The following DGKH variants were observed in gnomAD, a reference collection of about 807,000 sequenced individuals.
DGKH encodes the protein DAG kinase eta.
DGKH carries 90 observed loss-of-function variants against 159.3 expected under a neutral mutation model. The observed-to-expected ratio is 0.57, with a 90% confidence interval of 0.48 to 0.67. The LOEUF is 0.67. DGKH is among the 30% of genes least tolerant of loss of function. The pLI is 0.00. For missense variants in DGKH, 1,181 were observed against 1,506.1 expected (o/e 0.78, Z 3.57); for synonymous variants, 536 against 553.8 (o/e 0.97, Z 0.45).
chr13:42,182,384 C>G (rs1343181935), intron 13 of DGKH, among the ~76,000 whole-genome samples: 4 of 152,168 alleles, frequency 2.6e-5, no homozygotes, highest in African/African-American at 9.7e-5. Flanking sequence ...TTCTACTACA[C>G]TTTTGGTATA....
chr13:42,220,350 A>G (rs1274399513), intron 28 of DGKH, among the ~76,000 whole-genome samples: 3 of 152,186 alleles, frequency 2.0e-5, no homozygotes, highest in African/African-American at 7.2e-5. Flanking sequence ...TGCATTCTCA[A>G]GCAAAGATTA....
At chr13:42,081,562 A>G (rs1170118559) in intron 1 of DGKH, among the ~76,000 whole-genome samples, 1 of 152,182 alleles carries the variant, frequency 6.6e-6, no homozygotes, top group African/African-American at 2.4e-5. Context: ...ATCTTTGTAT[A>G]TATCAGTTTG....
chr13:42,151,553 A>ATATATATATACACGTGTC, intron 3 of DGKH, among the ~76,000 whole-genome samples: 1 of 111,510 alleles, frequency 9.0e-6, no homozygotes, highest in Non-Finnish European at 1.8e-5. Flanking sequence ...ATACACGTGT[A>ATATATATATACACGTGTC]TATATGTAGT....
intron 1 of DGKH, among the ~76,000 whole-genome samples, chr13:42,105,735 C>T (rs1447108204): frequency 1.3e-5 from 2 of 152,126 alleles, no homozygotes; most frequent in African/African-American, 4.8e-5. Flanking sequence ...ATTAAACAAA[C>T]CTTTTATATG....
At chr13:42,065,820 G>A (rs1882524820) in intron 1 of DGKH, among the ~76,000 whole-genome samples, 1 of 152,196 alleles carries the variant, frequency 6.6e-6, no homozygotes, top group Non-Finnish European at 1.5e-5. Context: ...TTTGTCTGTA[G>A]GCTGATAAAG....
chr13:42,209,423 A>C lies in DGKH; in HGVS notation c.2808A>C (p.Lys936Asn). 1 of 1,613,470 alleles carries C rather than the reference A, an allele frequency of 6.2e-7. No individual in the cohort carries two copies. Among genetic ancestry groups the C allele is most frequent in the Non-Finnish European group, 8.5e-7 (1 of 1,179,746 alleles). Residue 936 changes from lysine to asparagine, a missense_variant, in exon 23 of 30, where the codon AAA becomes AAC. Physicochemically the swap from Lys to Asn is moderately conservative, Grantham distance 94 (BLOSUM62 0). This residue lies in a region of DGKH where 335 missense variants were observed against 495.2 expected (regional missense o/e 0.68). Transcript: ENST00000337343. ...GGGTTCAGCCTCCAGGGATTATCAAAATTGTGCACAAAAACAGAGCACAAA... is the reference window on the plus strand; with the variant it reads ...GGGTTCAGCCTCCAGGGATTATCAACATTGTGCACAAAAACAGAGCACAAA... Reference protein sequence around the residue: ...EAWVQPPGIIKIVHKNRAQML... With the variant: ...EAWVQPPGIINIVHKNRAQML...
Position 42,206,047 on chromosome 13 carries a change from G to T in DGKH, c.2502G>T (p.Gly834=). Residue 834 remains glycine, a synonymous_variant, in exon 21 of 30, where the codon GGG becomes GGT. Coordinates refer to ENST00000337343, the MANE Select transcript of DGKH (RefSeq NM_178009.5). ...TTTTTTTTACCTTACAGTGTGATGG[G>T]CAGTATATTCCTCTTCCCAGCTTGC... ...LEQRVQLECD[G]QYIPLPSLQG... 1 of 1,384,060 alleles carries T rather than the reference G, an allele frequency of 7.2e-7. No homozygotes were observed. Among genetic ancestry groups the T allele is most frequent in the Non-Finnish European group, 9.4e-7 (1 of 1,060,130 alleles). The allele number at this position is 1,384,060 out of a possible 1,614,324, so 85.7% of individuals were successfully genotyped here.
intron 1 of DGKH, among the ~76,000 whole-genome samples, chr13:42,101,110 A>G (rs930825782): frequency 2.0e-5 from 3 of 152,166 alleles, no homozygotes; most frequent in African/African-American, 7.2e-5. Flanking sequence ...CTGCTCTAGC[A>G]TGGCCATTCT....
intron 17 of DGKH, among the ~76,000 whole-genome samples, chr13:42,197,679 C>T (rs543673595): frequency 6.6e-6 from 1 of 151,978 alleles, no homozygotes; most frequent in South Asian, 2.1e-4. Context: ...CCATTGCACT[C>T]CAGCCTAGGT....
At chr13:42,168,889 A>T in intron 11 of DGKH, 71 bp downstream of exon 11, 1 of 1,466,664 alleles carries the variant, frequency 6.8e-7, no homozygotes, top group Non-Finnish European at 9.1e-7. Context: ...ATGATTTCTT[A>T]ATAAATATTT....
Position 42,219,266 on chromosome 13 carries a change from G to C in DGKH, c.3250G>C (p.Ala1084Pro). 2 of 1,613,958 alleles carry C rather than the reference G, an allele frequency of 1.2e-6. No individual in the cohort carries two copies. The highest frequency in any genetic ancestry group is 1.7e-6 in the Non-Finnish European group (2 of 1,179,902). The change falls in exon 27 of 30, where the codon GCC (alanine) becomes CCC (proline). Residue 1084 changes from alanine (A) to proline (P), a missense_variant. This residue lies in a region of DGKH where 335 missense variants were observed against 495.2 expected (regional missense o/e 0.68). Coordinates refer to ENST00000337343, the MANE Select transcript of DGKH (RefSeq NM_178009.5). ...GCCACATGAAGAGCGAGTATCCAATGCCTTACACTCTGTGGAGGTGGAATT... is the reference window on the plus strand; with the variant it reads ...GCCACATGAAGAGCGAGTATCCAATCCCTTACACTCTGTGGAGGTGGAATT... ...ESPHEERVSNALHSVEVELQK... is the reference protein window; with the variant it reads ...ESPHEERVSNPLHSVEVELQK...
intron 1 of DGKH, among the ~76,000 whole-genome samples, chr13:42,052,151 G>A (rs1308550773): frequency 6.6e-6 from 1 of 152,156 alleles, no homozygotes; most frequent in Non-Finnish European, 1.5e-5. Flanking sequence ...TTTCATAGTG[G>A]ATTTGATGGT....
At chr13:42,053,530 ATATATGTATATATATAAC>A (rs1371591872) in intron 1 of DGKH, among the ~76,000 whole-genome samples, 1 of 65,766 alleles carries the variant, frequency 1.5e-5, no homozygotes, top group Non-Finnish European at 3.3e-5. Context: ...ATATATAACT[ATATATGTATATATATAAC>A]TATATATGTA....
intron 1 of DGKH, among the ~76,000 whole-genome samples, chr13:42,040,495 A>C (rs1391120510): frequency 7.0e-6 from 1 of 141,946 alleles, no homozygotes; most frequent in Non-Finnish European, 1.6e-5. Flanking sequence ...CGCCGGGAGG[A>C]GGGGCGGCGG....
intron 1 of DGKH, among the ~76,000 whole-genome samples, chr13:42,051,607 C>T (rs1323855860): frequency 6.7e-6 from 1 of 149,550 alleles, no homozygotes; most frequent in Non-Finnish European, 1.5e-5. Context: ...ATGGGAGCAC[C>T]TGGAGGAGAG....
intron 21 of DGKH, among the ~76,000 whole-genome samples, chr13:42,207,042 CTTCT>C (rs1275094919): frequency 1.8e-4 from 7 of 38,128 alleles, no homozygotes; most frequent in African/African-American, 6.4e-4. Context: ...TCTTTCTTTC[CTTCT>C]TTCCTTCTTT....
At chr13:42,201,095 C>G (rs1333345534) in intron 20 of DGKH, among the ~76,000 whole-genome samples, 1 of 152,034 alleles carries the variant, frequency 6.6e-6, no homozygotes, top group South Asian at 2.1e-4. Flanking sequence ...TGGGTTCAAG[C>G]GATTCTTCTG....
chr13:42,194,342 A>G (rs887992205), intron 16 of DGKH, among the ~76,000 whole-genome samples: 8 of 152,194 alleles, frequency 5.3e-5, no homozygotes, highest in Non-Finnish European at 7.3e-5. Flanking sequence ...TGTGTTGCCC[A>G]GTCTGGTCTT....
intron 1 of DGKH, among the ~76,000 whole-genome samples, chr13:42,119,756 A>T (rs1955032773): frequency 6.6e-6 from 1 of 152,240 alleles, no homozygotes; most frequent in South Asian, 2.1e-4. Context: ...CTTTAAGTAT[A>T]TTCACATTGT....
Sources: allele counts gnomAD v4.1 joint callset (sites outside exome capture counted in the v4.1 genomes callset), GRCh38; gene constraint gnomAD v4.1.1; regional missense constraint gnomAD v4.1.1; transcripts MANE v1.5; gene names NCBI Gene and HGNC (gene_info 2026-07-23, HGNC 2026-07-21).